R3HDM2: variants seen among roughly 807,000 people sequenced by gnomAD.
R3HDM2 encodes the protein R3H domain-containing protein 2.
Under a neutral mutation model 124.5 loss-of-function variants are expected in R3HDM2, and 38 were observed. The observed-to-expected ratio is 0.31, with a 90% CI of 0.24 to 0.40. The LOEUF is 0.40. Ranked by LOEUF, R3HDM2 falls within the 10% of genes least tolerant of loss-of-function variation. The pLI, the probability that R3HDM2 is intolerant of heterozygous loss-of-function variation, is 1.00. For missense variants in R3HDM2, 869 were observed against 1,236.9 expected (o/e 0.70, Z 4.46); for synonymous variants, 391 against 448.0 (o/e 0.87, Z 1.61).
At chr12:57,339,251 C>T (rs2059252891) in intron 2 of R3HDM2, among the ~76,000 whole-genome samples, 1 of 152,026 alleles carries the variant, frequency 6.6e-6, no homozygotes, top group Non-Finnish European at 1.5e-5. Flanking sequence ...TCCGCCTCAG[C>T]CTCCCAAGGT....
At chr12:57,388,555 C>T (rs1022653783) in intron 2 of R3HDM2, among the ~76,000 whole-genome samples, 12 of 152,118 alleles carry the variant, frequency 7.9e-5, no homozygotes, top group Non-Finnish European at 1.3e-4. Flanking sequence ...TTGTGCAGTA[C>T]TGACAATGTC....
At position 57,269,509 on chromosome 12, in the gene R3HDM2, T is replaced by C. The variant is rs2043146224; in HGVS notation, c.1588-60A>G. 7 of 1,592,758 alleles carry C rather than the reference T, an allele frequency of 4.4e-6. No individual in the cohort carries two copies. The Admixed American group carries it at 1.2e-4, about 28-fold the overall frequency. ...CTAAAATTCAGCCGCAACATCAGCA[T>C]ACTACTATAAATGCCTCAAGATTGA... On this transcript the variant is annotated intron_variant, in intron 15 of 23. Transcript: ENST00000402412.
At chr12:57,317,106 T>G (rs2139300205) in intron 2 of R3HDM2, among the ~76,000 whole-genome samples, 1 of 152,168 alleles carries the variant, frequency 6.6e-6, no homozygotes, top group Non-Finnish European at 1.5e-5. Context: ...GGTCTCAATC[T>G]CTTGACCTCA....
chr12:57,269,517 T>C (rs2043148414), intron 15 of R3HDM2, 68 bp from the exon 16 acceptor site: 9 of 1,573,506 alleles, frequency 5.7e-6, no homozygotes, highest in African/African-American at 1.4e-5. Context: ...CATACTACTA[T>C]AAATGCCTCA....
intron 2 of R3HDM2, among the ~76,000 whole-genome samples, chr12:57,333,689 A>G (rs535552881): frequency 3.9e-5 from 6 of 151,996 alleles, no homozygotes; most frequent in East Asian, 1.9e-4. Context: ...CTCCATCTCA[A>G]AATAAATAAA....
At chr12:57,413,204 G>GA (rs1473854875) in intron 1 of R3HDM2, among the ~76,000 whole-genome samples, 1 of 151,336 alleles carries the variant, frequency 6.6e-6, no homozygotes, top group African/African-American at 2.4e-5. Flanking sequence ...CAAATTAGGT[G>GA]AAAAAAAAGC....
At chr12:57,305,520 G>C in intron 3 of R3HDM2, 1 of 394,696 alleles carries the variant, frequency 2.5e-6, no homozygotes, top group East Asian at 3.6e-5. Flanking sequence ...AACAATATAT[G>C]AATGAATCTG....
intron 1 of R3HDM2, among the ~76,000 whole-genome samples, chr12:57,429,409 C>T (rs567895): frequency 0.24 from 36,479 of 152,130 alleles, 4,717 homozygotes; most frequent in South Asian, 0.43. Context: ...CTGAATTAAT[C>T]TAACCGGCCA....
chr12:57,334,248 C>A (rs2058581778), intron 2 of R3HDM2, among the ~76,000 whole-genome samples: 1 of 152,180 alleles, frequency 6.6e-6, no homozygotes, highest in Non-Finnish European at 1.5e-5. Context: ...TTATATTTAA[C>A]AGCAAATTTA....
intron 2 of R3HDM2, among the ~76,000 whole-genome samples, chr12:57,317,531 C>A (rs1593182413): frequency 6.6e-6 from 1 of 151,652 alleles, no homozygotes; most frequent in Non-Finnish European, 1.5e-5. Context: ...TCAATCTCGA[C>A]CCTCCCTATC....
intron 14 of R3HDM2, among the ~76,000 whole-genome samples, chr12:57,276,743 T>C (rs2044852335): frequency 1.3e-5 from 2 of 152,024 alleles, no homozygotes; most frequent in South Asian, 4.2e-4. Context: ...AAAAATTAGC[T>C]GGGCGTGGTG....
intron 2 of R3HDM2, among the ~76,000 whole-genome samples, chr12:57,355,456 C>CA (rs1275868390): frequency 0.017 from 854 of 50,382 alleles, 7 homozygotes; most frequent in Middle Eastern, 0.056. Flanking sequence ...GAGACTGTCT[C>CA]AAAAAAAAAA....
Position 57,310,145 on chromosome 12 carries a change from G to A in R3HDM2, c.165+119C>T, listed in dbSNP as rs1402479681. ...AGGATCTCTTGATGCAGGAGTTTGA[G>A]GGTGCAGTGGGCCCTAATTGTGCCA... On this transcript the variant is annotated intron_variant, in intron 3 of 23. Transcript: ENST00000402412. 3 of 612,278 alleles carry A rather than the reference G, an allele frequency of 4.9e-6. No individual in the cohort carries two copies. In the South Asian group the frequency reaches 8.9e-5, roughly 18 times the overall value. The allele number at this position is 612,278 out of a possible 1,614,324, so 37.9% of individuals were successfully genotyped here.
At chr12:57,367,083 C>T (rs1254786266) in intron 2 of R3HDM2, among the ~76,000 whole-genome samples, 1 of 152,186 alleles carries the variant, frequency 6.6e-6, no homozygotes, top group Non-Finnish European at 1.5e-5. Context: ...AGCCTTTACA[C>T]TGGAGCTAAT....
chr12:57,262,182 T>C (rs932839899), intron 19 of R3HDM2, among the ~76,000 whole-genome samples: 2 of 152,188 alleles, frequency 1.3e-5, no homozygotes, highest in Non-Finnish European at 2.9e-5. Context: ...TATCTTGGTA[T>C]TTTTCCTTTT....
At chr12:57,401,051 T>C (rs1311807470) in intron 1 of R3HDM2, among the ~76,000 whole-genome samples, 2 of 150,836 alleles carry the variant, frequency 1.3e-5, no homozygotes, top group African/African-American at 4.9e-5. Context: ...GCAGAAAACA[T>C]CCATTTCATT....
chr12:57,268,272 T>C (rs1352527325), intron 18 of R3HDM2, 31 bp downstream of exon 18: 2 of 1,603,406 alleles, frequency 1.2e-6, no homozygotes, highest in African/African-American at 1.3e-5. Flanking sequence ...CTATGGGAGA[T>C]GTCCTGTCCT....
intron 2 of R3HDM2, among the ~76,000 whole-genome samples, chr12:57,322,275 T>C (rs1002859056): frequency 4.6e-5 from 7 of 152,168 alleles, no homozygotes; most frequent in African/African-American, 1.4e-4. Context: ...CATTTTATTA[T>C]ACATTATTTA....
intron 2 of R3HDM2, among the ~76,000 whole-genome samples, chr12:57,329,724 C>A (rs1046468074): frequency 1.4e-5 from 2 of 144,938 alleles, no homozygotes; most frequent in African/African-American, 5.1e-5. Flanking sequence ...TGTAGTGGGC[C>A]GACAGAAAAA....
Sources: allele counts gnomAD v4.1 joint callset (sites outside exome capture counted in the v4.1 genomes callset), GRCh38; gene constraint gnomAD v4.1.1; transcripts MANE v1.5; gene names NCBI Gene and HGNC (gene_info 2026-07-23, HGNC 2026-07-21).